ENPP3: variants seen among roughly 807,000 people sequenced by gnomAD.
ENPP3 encodes ectonucleotide pyrophosphatase/phosphodiesterase 3.
ENPP3 carries 104 observed loss-of-function variants against 117.8 expected under a neutral mutation model. That is an observed-to-expected ratio of 0.88 (90% CI 0.75 to 1.04). ENPP3 has a LOEUF of 1.04. Among genes scored for constraint, ENPP3 ranks in the 50% least tolerant of loss-of-function variants. ENPP3 has a pLI of 0.00. For missense variants in ENPP3, 1,026 were observed against 1,051.9 expected, an observed-to-expected ratio of 0.98 and a Z score of 0.34; for synonymous variants, 380 against 349.9, an observed-to-expected ratio of 1.09 and a Z score of -0.96.
At chr6:131,662,782 G>C (rs1015338809) in intron 6 of ENPP3, among the ~76,000 whole-genome samples, 3 of 152,044 alleles carry the variant, frequency 2.0e-5, no homozygotes, top group Non-Finnish European at 4.4e-5. Context: ...TTGGGTAATA[G>C]GAACATTTTA....
At chr6:131,718,088 C>T (rs1779936432) in intron 15 of ENPP3, among the ~76,000 whole-genome samples, 1 of 152,198 alleles carries the variant, frequency 6.6e-6, no homozygotes. Context: ...TTTCTCAGAA[C>T]ATATTCCTGC....
chr6:131,685,888 A>G lies in ENPP3; in HGVS notation c.1265A>G (p.Glu422Gly), dbSNP rs1291772079. 5 of 947,448 alleles carry G rather than the reference A, an allele frequency of 5.3e-6. No homozygotes were observed. The highest frequency in any genetic ancestry group is 3.1e-4 in the Middle Eastern group (1 of 3,276). The allele number at this position is 947,448 out of a possible 1,614,324, so 58.7% of individuals were successfully genotyped here. A position where few individuals can be genotyped will look rare whatever the true frequency, so the allele number is the denominator to read the frequency against. ...TCTTTTGAAACAGTTAATTCTGAGGAAATTGTTAGAAACCTCAGTGTAAGT... is the reference window on the plus strand; with the variant it reads ...TCTTTTGAAACAGTTAATTCTGAGGGAATTGTTAGAAACCTCAGTGTAAGT... ...PHDFFSFNSE[E>G]IVRNLSCRKP... is the part of the protein sequence containing the mutation. The change falls in exon 14 of 25, where the codon GAA becomes GGA. Residue 422 changes from glutamate to glycine, a missense_variant. Physicochemically the swap from Glu to Gly is moderately conservative, Grantham distance 98. Coordinates refer to ENST00000357639, the MANE Select transcript of ENPP3 (RefSeq NM_005021.5).
At position 131,637,432 on chromosome 6, in the gene ENPP3, CA is replaced by C; in HGVS notation, c.49del (p.Thr17LeufsTer7). The C allele has an allele frequency of 6.3e-7, 1 of 1,590,936 alleles. No homozygotes were observed. Among genetic ancestry groups the C allele is most frequent in the Non-Finnish European group, 8.6e-7 (1 of 1,167,306 alleles). ...CAACGGAACAACCTGTTAAGAAGAACACTCTTAAGAAATATAAAATAGCTTG... is the reference window on the plus strand; with the variant it reads ...CAACGGAACAACCTGTTAAGAAGAACCTCTTAAGAAATATAAAATAGCTTG... The part of the protein sequence containing the change: ...LATEQPVKKN[T>X]LKKYKIACIV... On this transcript the variant is annotated frameshift_variant, in exon 1 of 25. Coordinates refer to ENST00000357639, the MANE Select transcript of ENPP3 (RefSeq NM_005021.5). LOFTEE classifies it high-confidence loss of function.
intron 2 of ENPP3, 101 bp from the exon 3 acceptor site, chr6:131,649,926 G>A (rs1305567210): frequency 8.0e-7 from 1 of 1,250,650 alleles, no homozygotes; most frequent in East Asian, 2.3e-5. Context: ...CTAGTTGTCT[G>A]TCATAGTCTG....
intron 8 of ENPP3, chr6:131,674,507 T>G: frequency 1.8e-6 from 1 of 550,966 alleles, no homozygotes; most frequent in Non-Finnish European, 3.3e-6. Flanking sequence ...TATAAATGTA[T>G]CCATCTGGAA....
intron 2 of ENPP3, among the ~76,000 whole-genome samples, chr6:131,648,921 T>G (rs1778205525): frequency 6.6e-6 from 1 of 152,204 alleles, no homozygotes. Context: ...ATGTCTCTCT[T>G]TCCTGAGCTT....
chr6:131,740,804 C>T (rs183738387), intron 24 of ENPP3, among the ~76,000 whole-genome samples: 1,679 of 152,090 alleles, frequency 0.011, 10 homozygotes, highest in Non-Finnish European at 0.016. Flanking sequence ...ACATTTATTT[C>T]TTTGTGGTAA....
intron 15 of ENPP3, among the ~76,000 whole-genome samples, chr6:131,715,743 C>T (rs557583479): frequency 1.1e-3 from 161 of 151,402 alleles, no homozygotes; most frequent in Non-Finnish European, 1.4e-3. Context: ...ACTTCCACGC[C>T]GAGGCACGCC....
chr6:131,646,234 T>G (rs1778149392), intron 2 of ENPP3, among the ~76,000 whole-genome samples: 1 of 151,880 alleles, frequency 6.6e-6, no homozygotes, highest in Non-Finnish European at 1.5e-5. Context: ...CTTATTTTGT[T>G]GACGCAGTAT....
chr6:131,663,594 TG>T (rs1301817331), intron 6 of ENPP3, among the ~76,000 whole-genome samples: 1,998 of 149,462 alleles, frequency 0.013, 46 homozygotes, highest in African/African-American at 0.046. Context: ...CTCAAGAGAC[TG>T]AGGCAGAAGG....
chr6:131,660,760 CT>C (rs1254586537), intron 6 of ENPP3, among the ~76,000 whole-genome samples: 1 of 152,148 alleles, frequency 6.6e-6, no homozygotes. Context: ...GATCTATCCT[CT>C]TAACAGATTT....
chr6:131,742,092 A>G (rs1780538243), intron 24 of ENPP3, among the ~76,000 whole-genome samples: 1 of 150,720 alleles, frequency 6.6e-6, no homozygotes. Flanking sequence ...GAGTGTTTAA[A>G]TTGTCTAAAG....
Position 131,701,809 on chromosome 6 carries a change from G to A in ENPP3, c.1412+8185G>A, listed in dbSNP as rs566191968. 4.0e-5 allele frequency among the ~76,000 whole-genome samples: 6 copies of A among 150,866 alleles called. No individual in the cohort carries two copies. The South Asian group carries it at 1.3e-3, about 31-fold the overall frequency. On this transcript the variant is annotated intron_variant, in intron 15 of 24. Coordinates refer to ENST00000357639, the MANE Select transcript of ENPP3 (RefSeq NM_005021.5). ...AGGCAGGAGAATTGCTTGATCCCAG[G>A]AGGCGGAGCTTGCAGTGAGCCGAGA...
chr6:131,680,487 C>T (rs1779000730), intron 11 of ENPP3, among the ~76,000 whole-genome samples: 1 of 151,930 alleles, frequency 6.6e-6, no homozygotes, highest in East Asian at 1.9e-4. Context: ...TCTGGGATAT[C>T]GGCAGCATAT....
intron 23 of ENPP3, 61 bp from the exon 24 acceptor site, chr6:131,740,163 T>TA: frequency 7.6e-7 from 1 of 1,307,408 alleles, no homozygotes; most frequent in South Asian, 1.9e-5. Context: ...TAAACACACT[T>TA]ATCACCTTTA....
intron 18 of ENPP3, among the ~76,000 whole-genome samples, chr6:131,723,229 G>A (rs1470805705): frequency 6.6e-6 from 1 of 152,132 alleles, no homozygotes; most frequent in East Asian, 1.9e-4. Flanking sequence ...AGAAGTAGGT[G>A]AAGACATCAC....
At chr6:131,730,639 A>G (rs1208244538) in intron 20 of ENPP3, among the ~76,000 whole-genome samples, 2 of 152,202 alleles carry the variant, frequency 1.3e-5, no homozygotes, top group African/African-American at 4.8e-5. Flanking sequence ...AGACAGGTCA[A>G]GCGCAGTGGC....
chr6:131,743,390 T>C (rs1252669593), intron 24 of ENPP3, among the ~76,000 whole-genome samples: 1 of 152,120 alleles, frequency 6.6e-6, no homozygotes, highest in Non-Finnish European at 1.5e-5. Flanking sequence ...TCCTCATCTA[T>C]TATATCTAAT....
At position 131,726,089 on chromosome 6, in the gene ENPP3, G is replaced by T. The variant is rs1453337451; in HGVS notation, c.1842G>T (p.Arg614Ser). 1 of 1,613,054 alleles carries T rather than the reference G, an allele frequency of 6.2e-7. No individual in the cohort carries two copies. Among genetic ancestry groups the T allele is most frequent in the Non-Finnish European group, 8.5e-7 (1 of 1,179,236 alleles). Residue 614 changes from arginine (R) to serine (S), a missense_variant, in exon 20 of 25, where the codon AGG becomes AGT. Coordinates refer to ENST00000357639, the MANE Select transcript of ENPP3 (RefSeq NM_005021.5). Reference sequence around the variant, plus strand: ...TAAATTTGCCATTTGGGAGGCCTAGGGTACTGCAGAAGAACGTGGACCACT... The same window carrying T: ...TAAATTTGCCATTTGGGAGGCCTAGTGTACTGCAGAAGAACGTGGACCACT... ...VKVNLPFGRP[R>S]VLQKNVDHCL...
Sources: allele counts gnomAD v4.1 joint callset (sites outside exome capture counted in the v4.1 genomes callset), GRCh38; gene constraint gnomAD v4.1.1; transcripts MANE v1.5; gene names NCBI Gene and HGNC (gene_info 2026-07-23, HGNC 2026-07-21).